FANCB: variants seen among roughly 807,000 people sequenced by gnomAD.
The protein encoded by FANCB is Fanconi anemia group B protein.
A neutral mutation model predicts 38.9 loss-of-function variants in FANCB; 5 were observed. That is an observed-to-expected ratio of 0.13 (90% CI 0.07 to 0.27). The LOEUF (loss-of-function observed/expected upper bound fraction) is 0.27. FANCB is among the 10% of genes least tolerant of loss of function. The pLI, the probability that FANCB is intolerant of heterozygous loss-of-function variation, is 1.00. For missense variants in FANCB, 573 were observed against 602.7 expected (o/e 0.95, Z 0.52); for synonymous variants, 236 against 215.4 (o/e 1.10, Z -0.84).
chrX:14,853,318 T>A, intron 5 of FANCB, 151 bp from the exon 6 acceptor site: 1 of 479,674 alleles, frequency 2.1e-6, no homozygotes, highest in Non-Finnish European at 3.3e-6. Context: ...ACAGTTTTGT[T>A]TATAGATTTT....
chrX:14,716,503 AAG>A, the FANCB span, among the ~76,000 whole-genome samples: 2 of 111,866 alleles, frequency 1.8e-5, no homozygotes, highest in African/African-American at 6.5e-5. Flanking sequence ...ACAATTGGTA[AAG>A]AGAGAGTTAT....
the FANCB span, among the ~76,000 whole-genome samples, chrX:14,748,449 G>A: frequency 3.6e-5 from 4 of 112,431 alleles, no homozygotes; most frequent in Non-Finnish European, 5.6e-5. Flanking sequence ...CACAGCAACT[G>A]TGCAGTAATA....
the FANCB span, among the ~76,000 whole-genome samples, chrX:14,763,974 G>A: frequency 3.8e-4 from 43 of 111,832 alleles, no homozygotes; most frequent in African/African-American, 1.3e-3. Flanking sequence ...AATACTCCCC[G>A]AGGGTAGACT....
the FANCB span, among the ~76,000 whole-genome samples, chrX:14,725,915 T>G: frequency 8.9e-6 from 1 of 112,567 alleles, no homozygotes; most frequent in South Asian, 3.6e-4. Context: ...AAACCTTGAC[T>G]GGATGATTCA....
chrX:14,798,770 A>G, the FANCB span, among the ~76,000 whole-genome samples: 1 of 112,029 alleles, frequency 8.9e-6, no homozygotes, highest in East Asian at 2.8e-4. Context: ...TGGCTAGGCT[A>G]TAGTAACCAG....
the FANCB span, among the ~76,000 whole-genome samples, chrX:14,772,864 A>G: frequency 9.0e-6 from 1 of 111,601 alleles, no homozygotes; most frequent in South Asian, 3.8e-4. Flanking sequence ...TGGGAGAAGC[A>G]TGGTTTCCCA....
chrX:14,832,002 C>G (rs889348780), downstream of FANCB, among the ~76,000 whole-genome samples: 1 of 111,999 alleles, frequency 8.9e-6, no homozygotes, highest in African/African-American at 3.3e-5. Flanking sequence ...CATGGTGTTT[C>G]ATTTTTTGTT....
chrX:14,730,590 G>C, the FANCB span: 2 of 129,506 alleles, frequency 1.5e-5, no homozygotes, highest in East Asian at 2.2e-4. Flanking sequence ...ATTGAGGGAG[G>C]GGGGAGGGAG....
the FANCB span, among the ~76,000 whole-genome samples, chrX:14,739,440 C>T: frequency 3.3e-3 from 365 of 111,935 alleles, 1 homozygote; most frequent in African/African-American, 0.011. Context: ...AGACTATATA[C>T]AGTTTCACTA....
chrX:14,731,339 T>G, the FANCB span: 1 of 112,093 alleles, frequency 8.9e-6, no homozygotes, highest in South Asian at 3.8e-4. Context: ...ATATATATAT[T>G]TTTGCTTTGG....
the FANCB span, among the ~76,000 whole-genome samples, chrX:14,764,985 A>T: frequency 2.7e-5 from 3 of 112,452 alleles, no homozygotes; most frequent in Non-Finnish European, 3.8e-5. Flanking sequence ...ACAGAATGCC[A>T]GTTAAATTTG....
At chrX:14,756,873 T>C in the FANCB span, among the ~76,000 whole-genome samples, 5 of 112,282 alleles carry the variant, frequency 4.5e-5, no homozygotes, top group Non-Finnish European at 1.9e-5. Flanking sequence ...ATAGTAACTG[T>C]CATAGTGATG....
At chrX:14,739,153 G>A in the FANCB span, among the ~76,000 whole-genome samples, 1 of 111,758 alleles carries the variant, frequency 8.9e-6, no homozygotes, top group Admixed American at 9.5e-5. Flanking sequence ...TAATTTGAAT[G>A]ATTCAAGCAA....
At chrX:14,805,772 C>T in the FANCB span, among the ~76,000 whole-genome samples, 2 of 112,053 alleles carry the variant, frequency 1.8e-5, no homozygotes, top group African/African-American at 3.2e-5. Flanking sequence ...CTTTCAACAA[C>T]TTCCTTCTGC....
chrX:14,717,099 C>T, the FANCB span, among the ~76,000 whole-genome samples: 1 of 111,422 alleles, frequency 9.0e-6, no homozygotes, highest in African/African-American at 3.3e-5. Context: ...GCTTCCAGAG[C>T]CAAGTCCAGT....
the FANCB span, among the ~76,000 whole-genome samples, chrX:14,760,851 A>G: frequency 9.0e-6 from 1 of 110,819 alleles, no homozygotes; most frequent in East Asian, 2.8e-4. Flanking sequence ...TGAGCTTGTA[A>G]TTCCTGCTAC....
chrX:14,724,392 G>A, the FANCB span, among the ~76,000 whole-genome samples: 5 of 109,907 alleles, frequency 4.5e-5, no homozygotes, highest in African/African-American at 1.3e-4. Flanking sequence ...TTGGGAGGCC[G>A]AAGCGGGTGC....
the FANCB span, among the ~76,000 whole-genome samples, chrX:14,701,938 G>A: frequency 8.9e-6 from 1 of 112,025 alleles, no homozygotes; most frequent in Non-Finnish European, 1.9e-5. Flanking sequence ...AGTGCAGAAT[G>A]TTGTGTGCTG....
At chrX:14,783,838 G>C in the FANCB span, among the ~76,000 whole-genome samples, 51 of 112,870 alleles carry the variant, frequency 4.5e-4, no homozygotes, top group African/African-American at 1.5e-3. Context: ...AATGTGCCTT[G>C]TTAGCAATAC....
Sources: allele counts gnomAD v4.1 joint callset (sites outside exome capture counted in the v4.1 genomes callset), GRCh38; gene constraint gnomAD v4.1.1; transcripts MANE v1.5; gene names NCBI Gene and HGNC (gene_info 2026-07-23, HGNC 2026-07-21).